The following PCSK2 variants were observed in gnomAD, a reference collection of about 807,000 sequenced individuals.
PCSK2 encodes neuroendocrine convertase 2.
Under a neutral mutation model 69.7 loss-of-function variants are expected in PCSK2, and 14 were observed. The ratio of observed to expected loss-of-function variants is 0.20; its 90% confidence interval spans 0.13 to 0.31. The LOEUF (loss-of-function observed/expected upper bound fraction) is 0.31, where lower values mean the gene tolerates loss of function less well. Ranked by LOEUF, PCSK2 falls within the 10% of genes least tolerant of loss-of-function variation. PCSK2 has a pLI of 1.00. For missense variants in PCSK2, 544 were observed against 842.5 expected (o/e 0.65, Z 4.39); for synonymous variants, 307 against 320.7 (o/e 0.96, Z 0.46).
At chr20:17,226,982 A>C, upstream of PCSK2, 10 of 177,520 alleles carry the variant, frequency 5.6e-5, no homozygotes, top group Non-Finnish European at 8.2e-5. Context: ...CCCCTAGGGA[A>C]TTGGAGCTGA....
intron 2 of PCSK2, among the ~76,000 whole-genome samples, chr20:17,306,504 C>T (rs1425735027): frequency 6.6e-6 from 1 of 152,084 alleles, no homozygotes; most frequent in Non-Finnish European, 1.5e-5. Flanking sequence ...TGCTTTTCTC[C>T]AAGTTTAAAA....
At chr20:17,414,323 A>G (rs529143368) in intron 6 of PCSK2, among the ~76,000 whole-genome samples, 1 of 152,368 alleles carries the variant, frequency 6.6e-6, no homozygotes, top group South Asian at 2.1e-4. Flanking sequence ...GAAAAATCAA[A>G]TAGACGCATT....
chr20:17,308,495 A>C (rs1049082481), intron 2 of PCSK2, among the ~76,000 whole-genome samples: 6 of 152,244 alleles, frequency 3.9e-5, no homozygotes, highest in Admixed American at 3.9e-4. Context: ...AAAGGTCCCG[A>C]GGACAGAACA....
At chr20:17,410,573 C>T (rs1441041779) in intron 6 of PCSK2, among the ~76,000 whole-genome samples, 1 of 152,190 alleles carries the variant, frequency 6.6e-6, no homozygotes, top group Admixed American at 6.5e-5. Context: ...TAGCACAATT[C>T]ATTCTCTATC....
intron 1 of PCSK2, among the ~76,000 whole-genome samples, chr20:17,230,967 T>C (rs1482818446): frequency 1.3e-5 from 2 of 152,334 alleles, no homozygotes; most frequent in East Asian, 3.9e-4. Context: ...GGAGAGTGAA[T>C]GAGTTTACAG....
intron 1 of PCSK2, among the ~76,000 whole-genome samples, chr20:17,230,521 G>A (rs1986107080): frequency 6.6e-6 from 1 of 152,158 alleles, no homozygotes; most frequent in Non-Finnish European, 1.5e-5. Context: ...CTGCCTCCAG[G>A]AAGCCTTCCC....
intron 11 of PCSK2, among the ~76,000 whole-genome samples, chr20:17,467,179 C>G (rs912008173): frequency 1.3e-5 from 2 of 152,198 alleles, no homozygotes; most frequent in Admixed American, 6.5e-5. Flanking sequence ...CCAATCTTGA[C>G]TTCACCAACT....
At chr20:17,322,172 T>C (rs943304088) in intron 2 of PCSK2, among the ~76,000 whole-genome samples, 4 of 152,104 alleles carry the variant, frequency 2.6e-5, no homozygotes, top group Non-Finnish European at 5.9e-5. Context: ...AGAGAGAACA[T>C]TGTCTTAATG....
chr20:17,260,177 T>G (rs934728131), intron 1 of PCSK2, 63 bp from the exon 2 acceptor site: 3 of 1,003,780 alleles, frequency 3.0e-6, no homozygotes, highest in African/African-American at 3.2e-5. Flanking sequence ...CCAGCTTTGG[T>G]GTCCCTGTCC....
chr20:17,414,774 C>T (rs1392960886), intron 6 of PCSK2, among the ~76,000 whole-genome samples: 1 of 152,128 alleles, frequency 6.6e-6, no homozygotes, highest in South Asian at 2.1e-4. Context: ...AACATTGATG[C>T]AAAAATCCTC....
intron 5 of PCSK2, among the ~76,000 whole-genome samples, chr20:17,390,335 G>A (rs1568629917): frequency 6.6e-6 from 1 of 152,226 alleles, no homozygotes; most frequent in Non-Finnish European, 1.5e-5. Flanking sequence ...GCATGATGGT[G>A]ACTCAGATTT....
intron 6 of PCSK2, among the ~76,000 whole-genome samples, chr20:17,423,794 A>G (rs2032186278): frequency 6.6e-6 from 1 of 152,246 alleles, no homozygotes; most frequent in South Asian, 2.1e-4. Flanking sequence ...CTTGTAGAAG[A>G]AATGGGCCAA....
chr20:17,285,764 A>C (rs961742726), intron 2 of PCSK2, among the ~76,000 whole-genome samples: 1 of 152,236 alleles, frequency 6.6e-6, no homozygotes, highest in Non-Finnish European at 1.5e-5. Flanking sequence ...TTAAGGAATT[A>C]GGAGTGGAAT....
At chr20:17,475,075 A>C (rs1445772165) in intron 11 of PCSK2, among the ~76,000 whole-genome samples, 1 of 151,792 alleles carries the variant, frequency 6.6e-6, no homozygotes, top group Admixed American at 6.6e-5. Context: ...GAACTGTAGG[A>C]GAGTGAGGGA....
At chr20:17,470,131 C>T (rs769194633) in intron 11 of PCSK2, among the ~76,000 whole-genome samples, 8 of 152,282 alleles carry the variant, frequency 5.3e-5, no homozygotes, top group South Asian at 2.1e-4. Flanking sequence ...ATGAAATGGG[C>T]GTTGACAACT....
chr20:17,249,709 G>A (rs903948070), intron 1 of PCSK2, among the ~76,000 whole-genome samples: 10 of 152,086 alleles, frequency 6.6e-5, no homozygotes, highest in African/African-American at 2.4e-4. Flanking sequence ...GATGAACCTT[G>A]AAGACATTGT....
chr20:17,286,443 C>G (rs1988512571), intron 2 of PCSK2, among the ~76,000 whole-genome samples: 1 of 152,120 alleles, frequency 6.6e-6, no homozygotes, highest in Non-Finnish European at 1.5e-5. Context: ...AGAGCAAGCT[C>G]TCTGCACAGG....
At chr20:17,394,300 A>G (rs2031457235) in intron 5 of PCSK2, among the ~76,000 whole-genome samples, 1 of 152,208 alleles carries the variant, frequency 6.6e-6, no homozygotes, top group Admixed American at 6.5e-5. Context: ...TATCTGATAC[A>G]TTTGTTGAGA....
chr20:17,298,807 T>G (rs1988982082), intron 2 of PCSK2, among the ~76,000 whole-genome samples: 1 of 152,330 alleles, frequency 6.6e-6, no homozygotes, highest in Non-Finnish European at 1.5e-5. Flanking sequence ...TGGAAGCAGA[T>G]GAAGCTATTA....
Sources: gnomAD v4.1 joint callset for allele counts (sites outside exome capture counted in the v4.1 genomes callset) on GRCh38, gnomAD v4.1.1 for gene constraint, MANE v1.5 for transcripts, NCBI Gene and HGNC (gene_info 2026-07-23, HGNC 2026-07-21) for gene names.